Variants in EFL1 observed in about 807,000 individuals in gnomAD.
EFL1 encodes elongation factor like GTPase 1, also known as elongation factor-like GTPase 1.
In EFL1, 76 loss-of-function variants were observed where a neutral mutation model predicts 126.7. The ratio of observed to expected loss-of-function variants is 0.60; its 90% confidence interval spans 0.50 to 0.73. The LOEUF (loss-of-function observed/expected upper bound fraction) is 0.73, where lower values mean the gene tolerates loss of function less well. EFL1 is among the 30% of genes least tolerant of loss of function. The pLI, the probability that EFL1 is intolerant of heterozygous loss-of-function variation, is 0.00. For synonymous variants in EFL1, 410 were observed against 448.4 expected (o/e 0.91, Z 1.08); for missense variants, 1,128 against 1,343.2 (o/e 0.84, Z 2.50).
At chr15:82,213,359 G>A (rs2074609204) in intron 15 of EFL1, among the ~76,000 whole-genome samples, 4 of 152,202 alleles carry the variant, frequency 2.6e-5, no homozygotes, top group Admixed American at 2.6e-4. Context: ...TTAGCTTATA[G>A]TAGGTTTGTC....
chr15:82,141,651 G>A (rs1351505572), intron 18 of EFL1, among the ~76,000 whole-genome samples: 1 of 145,076 alleles, frequency 6.9e-6, no homozygotes, highest in African/African-American at 2.6e-5. Context: ...TCCAACCTGG[G>A]CAATAGAGTG....
At position 82,230,906 on chromosome 15, in the gene EFL1, G is replaced by T. The variant is rs1357019754; in HGVS notation, c.797C>A (p.Thr266Asn). The T allele has an allele frequency of 6.2e-7, 1 of 1,613,290 alleles. No homozygotes were observed. The highest frequency in any genetic ancestry group is 8.5e-7 in the Non-Finnish European group (1 of 1,179,578). Residue 266 changes from threonine to asparagine, a missense_variant, in exon 8 of 20, where the codon ACC (threonine) becomes AAC (asparagine). This residue lies in a region of EFL1 where 316 missense variants were observed against 318.5 expected (regional missense o/e 0.99). Transcript: ENST00000268206. Reference sequence around the variant, plus strand: ...ATTTATATAGTAATCTCCCCACAAGGTTTTCATAAGAACTTCCTTTTTGAT... The same window carrying T: ...ATTTATATAGTAATCTCCCCACAAGTTTTTCATAAGAACTTCCTTTTTGAT... ...IGIKKEVLMK[T>N]LWGDYYINMK...
intron 15 of EFL1, among the ~76,000 whole-genome samples, chr15:82,206,208 AAAAC>A (rs1261909779): frequency 6.6e-6 from 1 of 152,238 alleles, no homozygotes. Flanking sequence ...CTTTGAGAAA[AAAAC>A]AAACCAAATC....
At chr15:82,190,567 C>T (rs559177043) in intron 15 of EFL1, among the ~76,000 whole-genome samples, 2 of 152,140 alleles carry the variant, frequency 1.3e-5, no homozygotes, top group Admixed American at 6.5e-5. Flanking sequence ...GTGTTCAAAT[C>T]GGTGGTCTCC....
chr15:82,254,476 T>A (rs1250525316), intron 3 of EFL1, among the ~76,000 whole-genome samples: 2 of 151,626 alleles, frequency 1.3e-5, no homozygotes, highest in East Asian at 1.9e-4. Flanking sequence ...AAAAAAAAAA[T>A]GTTTGTTACT....
intron 18 of EFL1, among the ~76,000 whole-genome samples, chr15:82,139,228 C>A (rs1471569844): frequency 5.3e-5 from 8 of 152,058 alleles, no homozygotes; most frequent in Admixed American, 1.3e-4. Flanking sequence ...AATTTTGAGA[C>A]CTTATTGACA....
At chr15:82,211,595 G>GACACACACAC (rs10543301) in intron 15 of EFL1, among the ~76,000 whole-genome samples, 1,867 of 105,768 alleles carry the variant, frequency 0.018, 136 homozygotes, top group African/African-American at 0.039. Context: ...ACACATACTA[G>GACACACACAC]ACACACACAC....
At chr15:82,261,602 AG>A (rs1157084178) in intron 2 of EFL1, 85 bp downstream of exon 2, 1 of 1,273,324 alleles carries the variant, frequency 7.9e-7, no homozygotes, top group African/African-American at 1.5e-5. Flanking sequence ...CATCACTCTC[AG>A]CTGTCCACAG....
At chr15:82,226,171 T>G (rs2074761527) in intron 11 of EFL1, among the ~76,000 whole-genome samples, 1 of 152,062 alleles carries the variant, frequency 6.6e-6, no homozygotes, top group Non-Finnish European at 1.5e-5. Flanking sequence ...TGTTGTTGTT[T>G]GTTTGTTTGT....
rs753870596 is a variant in EFL1 at position 82,240,512 on chromosome 15, G to A, written c.422C>T (p.Pro141Leu). ...LRQAWLENIR[P>L]VLVINKIDRL... ...ATCAATCTTATTAATCACTAAAACC[G>A]GACGGATGTTTTCAAGCCAAGCTTG... Residue 141 changes from proline (P) to leucine (L), a missense_variant, in exon 6 of 20, where the codon CCG (proline) becomes CTG (leucine). This residue lies in a region of EFL1 where 118 missense variants were observed against 188.1 expected (regional missense o/e 0.63). Transcript: ENST00000268206. The A allele has an allele frequency of 2.7e-5, 43 of 1,614,014 alleles. No individual in the cohort carries two copies. Among genetic ancestry groups the A allele is most frequent in the Non-Finnish European group, 3.3e-5 (39 of 1,179,990 alleles).
intron 16 of EFL1, among the ~76,000 whole-genome samples, chr15:82,158,730 T>C (rs2073992411): frequency 6.6e-6 from 1 of 152,242 alleles, no homozygotes; most frequent in African/African-American, 2.4e-5. Context: ...TAAAAGTCGA[T>C]TAACTGGGAG....
chr15:82,190,779 T>C (rs1243936061), intron 15 of EFL1, among the ~76,000 whole-genome samples: 1 of 152,212 alleles, frequency 6.6e-6, no homozygotes, highest in Non-Finnish European at 1.5e-5. Context: ...ACATGTGTTA[T>C]GTATGTGTAT....
chr15:82,209,838 G>C (rs762817652), intron 15 of EFL1, among the ~76,000 whole-genome samples: 12 of 152,320 alleles, frequency 7.9e-5, no homozygotes, highest in Non-Finnish European at 1.6e-4. Context: ...GTGAAATCTG[G>C]ATTTTTCAAG....
intron 18 of EFL1, among the ~76,000 whole-genome samples, chr15:82,146,934 T>C (rs2141222727): frequency 6.6e-6 from 1 of 152,276 alleles, no homozygotes; most frequent in Non-Finnish European, 1.5e-5. Context: ...AACTGACTGA[T>C]GGCCAAGTGG....
intron 15 of EFL1, among the ~76,000 whole-genome samples, chr15:82,203,594 T>G (rs1297119529): frequency 6.6e-6 from 1 of 152,114 alleles, no homozygotes; most frequent in Non-Finnish European, 1.5e-5. Context: ...AGGCTGGTCT[T>G]GAACTCCCAA....
intron 12 of EFL1, among the ~76,000 whole-genome samples, chr15:82,221,739 G>T (rs182258969): frequency 1.3e-5 from 2 of 152,190 alleles, no homozygotes; most frequent in African/African-American, 4.8e-5. Context: ...GGCACTAGGG[G>T]GCCACACTAC....
intron 4 of EFL1, among the ~76,000 whole-genome samples, chr15:82,243,712 G>T (rs1039068991): frequency 5.5e-5 from 7 of 127,662 alleles, no homozygotes; most frequent in African/African-American, 2.1e-4. Flanking sequence ...TGGAGTTACA[G>T]ACCTTTTAGG....
intron 7 of EFL1, among the ~76,000 whole-genome samples, chr15:82,232,765 T>C (rs949719098): frequency 4.6e-5 from 7 of 152,198 alleles, no homozygotes; most frequent in African/African-American, 1.7e-4. Flanking sequence ...AGCAAACTTA[T>C]GGATTTATTT....
intron 15 of EFL1, among the ~76,000 whole-genome samples, chr15:82,211,920 A>G (rs1224639033): frequency 6.6e-6 from 1 of 152,200 alleles, no homozygotes; most frequent in African/African-American, 2.4e-5. Flanking sequence ...AATTACTCAA[A>G]TAAGGTTTTT....
Sources: gnomAD v4.1 joint callset for allele counts (sites outside exome capture counted in the v4.1 genomes callset) on GRCh38, gnomAD v4.1.1 for gene constraint, gnomAD v4.1.1 regional missense constraint, MANE v1.5 for transcripts, NCBI Gene and HGNC (gene_info 2026-07-23, HGNC 2026-07-21) for gene names.